Variants in SYTL5 observed in about 807,000 individuals in gnomAD.
SYTL5 encodes the protein synaptotagmin like 5.
A neutral mutation model predicts 55.9 loss-of-function variants in SYTL5; 34 were observed. That is an observed-to-expected ratio of 0.61 (90% confidence interval 0.46 to 0.81). The LOEUF is 0.81. SYTL5 is among the 30% of genes least tolerant of loss of function. The pLI, the probability that SYTL5 is intolerant of heterozygous loss-of-function variation, is 0.00. For synonymous variants in SYTL5, 221 were observed against 188.7 expected, an observed-to-expected ratio of 1.17 and a Z score of -1.40; for missense variants, 637 against 546.7, an observed-to-expected ratio of 1.17 and a Z score of -1.65.
chrX:38,005,902 A>G (rs1933976059), upstream of SYTL5, among the ~76,000 whole-genome samples: 1 of 111,822 alleles, frequency 8.9e-6, no homozygotes, highest in African/African-American at 3.2e-5. Context: ...GATCTTAACA[A>G]AAATTTCACT....
At chrX:38,032,803 C>T (rs1395579938) in intron 1 of SYTL5, among the ~76,000 whole-genome samples, 1 of 110,962 alleles carries the variant, frequency 9.0e-6, no homozygotes, top group Non-Finnish European at 1.9e-5. Flanking sequence ...TCTCAAAGCT[C>T]ACTACAGTCC....
the SYTL5 span, among the ~76,000 whole-genome samples, chrX:37,985,559 C>A: frequency 1.3e-3 from 142 of 110,071 alleles, no homozygotes; most frequent in Admixed American, 7.4e-3. Flanking sequence ...ATATCATTTT[C>A]ATGGATTAGA....
intron 1 of SYTL5, among the ~76,000 whole-genome samples, chrX:38,032,513 C>A (rs190372258): frequency 5.6e-4 from 62 of 111,100 alleles, no homozygotes; most frequent in African/African-American, 2.0e-3. Flanking sequence ...ATTTTGAGAG[C>A]AAAACATTAC....
chrX:38,051,192 C>T (rs1384512146), intron 2 of SYTL5, among the ~76,000 whole-genome samples: 1 of 111,501 alleles, frequency 9.0e-6, no homozygotes, highest in Non-Finnish European at 1.9e-5. Context: ...TATCTGTAGA[C>T]AGGAGATGAC....
intron 3 of SYTL5, among the ~76,000 whole-genome samples, 189 bp downstream of exon 3, chrX:38,054,611 TGAGAGAGAGAGAGAGAGA>T (rs3067495): frequency 5.2e-5 from 5 of 95,409 alleles, no homozygotes; most frequent in African/African-American, 1.5e-4. Context: ...TGTGTGTATG[TGAGAGAGAGAGAGAGAGA>T]GAGAGAGAGA....
chrX:37,911,684 T>C, the SYTL5 span, among the ~76,000 whole-genome samples: 2 of 111,573 alleles, frequency 1.8e-5, no homozygotes, highest in Non-Finnish European at 3.8e-5. Context: ...CCCAAAATTA[T>C]TGGATATGAA....
chrX:37,912,589 C>T, the SYTL5 span, among the ~76,000 whole-genome samples: 1 of 112,020 alleles, frequency 8.9e-6, no homozygotes, highest in Non-Finnish European at 1.9e-5. Context: ...GATCAGTTAT[C>T]TGGGGGTTGG....
the SYTL5 span, among the ~76,000 whole-genome samples, chrX:37,960,045 A>T: frequency 9.0e-6 from 1 of 111,678 alleles, no homozygotes; most frequent in Non-Finnish European, 1.9e-5. Flanking sequence ...TATGATGAGG[A>T]GTGCTGCACC....
chrX:38,118,957 A>C (rs1434016479), intron 13 of SYTL5, among the ~76,000 whole-genome samples: 1 of 103,056 alleles, frequency 9.7e-6, no homozygotes, highest in African/African-American at 3.6e-5. Flanking sequence ...ATATACATAT[A>C]TATATATATA....
intron 6 of SYTL5, among the ~76,000 whole-genome samples, chrX:38,077,966 G>A (rs981643897): frequency 9.0e-6 from 1 of 111,552 alleles, no homozygotes; most frequent in Admixed American, 9.5e-5. Context: ...CCAGGAATTT[G>A]AGGTTACAGT....
At chrX:38,118,920 A>AATATAT (rs61288420) in intron 13 of SYTL5, among the ~76,000 whole-genome samples, 43 of 88,951 alleles carry the variant, frequency 4.8e-4, no homozygotes, top group African/African-American at 1.8e-3. Flanking sequence ...ATGCCCAGCT[A>AATATAT]ATATATATAT....
chrX:38,072,583 T>C (rs2208110), intron 4 of SYTL5, among the ~76,000 whole-genome samples: 32,462 of 111,086 alleles, frequency 0.29, 3,895 homozygotes, highest in African/African-American at 0.42. Context: ...TGGTTCTCAA[T>C]CAAAGATTGA....
intron 12 of SYTL5, 70 bp downstream of exon 12, chrX:38,108,769 C>A: frequency 1.5e-6 from 1 of 651,397 alleles, no homozygotes; most frequent in South Asian, 3.0e-5. Context: ...GAAGTAACTA[C>A]AGAGAATATT....
intron 1 of SYTL5, among the ~76,000 whole-genome samples, chrX:38,020,408 CATATATATATATATAT>C (rs59575156): frequency 0.02 from 1,186 of 58,581 alleles, 24 homozygotes; most frequent in African/African-American, 0.045. Flanking sequence ...TATGTGTGTG[CATATATATATATATAT>C]ATATATATAT....
chrX:38,001,105 G>T, the SYTL5 span, among the ~76,000 whole-genome samples: 1 of 110,828 alleles, frequency 9.0e-6, no homozygotes, highest in Non-Finnish European at 1.9e-5. Flanking sequence ...CCTGGTCACA[G>T]GCCCAGGGGT....
At chrX:37,919,361 G>A in the SYTL5 span, among the ~76,000 whole-genome samples, 5 of 111,592 alleles carry the variant, frequency 4.5e-5, no homozygotes, top group East Asian at 2.8e-4. Context: ...CTCATTTCAC[G>A]TTCTCTAAAG....
At chrX:37,981,053 G>A in the SYTL5 span, among the ~76,000 whole-genome samples, 207 of 112,220 alleles carry the variant, frequency 1.8e-3, no homozygotes, top group Admixed American at 2.3e-3. Context: ...ATTATTCCCC[G>A]GAGGAGAAGC....
chrX:37,910,967 C>CTTTTTT, the SYTL5 span, among the ~76,000 whole-genome samples: 4,197 of 82,495 alleles, frequency 0.051, 252 homozygotes, highest in African/African-American at 0.13. Context: ...GATAGCATTA[C>CTTTTTT]TTTTTTTTTT....
At chrX:37,974,293 G>T in the SYTL5 span, among the ~76,000 whole-genome samples, 1 of 112,312 alleles carries the variant, frequency 8.9e-6, no homozygotes, top group African/African-American at 3.2e-5. Context: ...CAACATGAAT[G>T]AACCTTGAAA....
Sources: allele counts gnomAD v4.1 joint callset (sites outside exome capture counted in the v4.1 genomes callset), GRCh38; gene constraint gnomAD v4.1.1; transcripts MANE v1.5; gene names NCBI Gene and HGNC (gene_info 2026-07-23, HGNC 2026-07-21).